The following GLIS1 variants were observed in gnomAD, a reference collection of about 807,000 sequenced individuals.
GLIS1 encodes GLIS family zinc finger 1, also known as zinc finger protein GLIS1.
Under a neutral mutation model 63.8 loss-of-function variants are expected in GLIS1, and 24 were observed. The ratio of observed to expected loss-of-function variants is 0.38; its 90% CI spans 0.27 to 0.53. GLIS1 has a LOEUF of 0.53. Ranked by LOEUF, GLIS1 falls within the 20% of genes least tolerant of loss-of-function variation. GLIS1 has a pLI of 0.85. For synonymous variants in GLIS1, 450 were observed against 482.5 expected, an observed-to-expected ratio of 0.93 and a Z score of 0.88; for missense variants, 1,036 against 1,074.1, an observed-to-expected ratio of 0.96 and a Z score of 0.50.
rs117685770 is a variant in GLIS1 at position 53,704,891 on chromosome 1, T to C, written c.259+32915A>G. On this transcript the variant is annotated intron_variant, in intron 2 of 10. Transcript: ENST00000628545. Reference sequence around the variant, plus strand: ...GTTAGCATCACTGAATTTACAGGGGTTGCAGCTTGCCAGCTGCTTTCACAG... The same window carrying C: ...GTTAGCATCACTGAATTTACAGGGGCTGCAGCTTGCCAGCTGCTTTCACAG... 8.2e-4 allele frequency among the ~76,000 whole-genome samples: 125 copies of C among 152,210 alleles called. 4 individuals carry two copies. The East Asian group carries it at 0.016, about 19-fold the overall frequency.
rs149932035 is a variant in GLIS1, at chr1:53,676,142, G to A, written c.259+61664C>T. Among the ~76,000 whole-genome samples the A allele has an allele frequency of 3.3e-5, 5 of 152,238 alleles. No homozygotes were observed. The East Asian group carries it at 9.7e-4, about 29-fold the overall frequency. ...CAGCAAATTAACACCGTTTGCTCTGGTTTGGGGTTTGAGGTTTTGGTCAAA... is the reference window on the plus strand; with the variant it reads ...CAGCAAATTAACACCGTTTGCTCTGATTTGGGGTTTGAGGTTTTGGTCAAA... On this transcript the variant is annotated intron_variant, in intron 2 of 10. Coordinates refer to ENST00000628545, the MANE Select transcript of GLIS1 (RefSeq NM_001367484.1).
In GLIS1 at chr1:53,732,577, A is replaced by G. The variant is rs527376515; in HGVS notation, c.259+5229T>C. ...CATTAGCACAGTGAAGGCGAGCAGC[A>G]CAAATATTTCAGGAGTTTGGTCTTT... On this transcript the variant is annotated intron_variant, in intron 2 of 10. Coordinates refer to ENST00000628545, the MANE Select transcript of GLIS1 (RefSeq NM_001367484.1). Among the ~76,000 whole-genome samples the G allele has an allele frequency of 3.0e-4, 46 of 152,236 alleles. No homozygotes were observed. The South Asian group carries it at 8.5e-3, about 28-fold the overall frequency.
chr1:53,683,553 G>A (rs984677370), intron 2 of GLIS1, among the ~76,000 whole-genome samples: 3 of 152,116 alleles, frequency 2.0e-5, no homozygotes, highest in Non-Finnish European at 2.9e-5. Context: ...TGGATCACAC[G>A]AGATCATCCA....
intron 2 of GLIS1, among the ~76,000 whole-genome samples, chr1:53,709,498 G>C (rs2100519000): frequency 6.6e-6 from 1 of 151,068 alleles, no homozygotes; most frequent in Non-Finnish European, 1.5e-5. Flanking sequence ...ATTCCTGGCA[G>C]TTAAATGGCT....
chr1:53,613,945 C>G (rs920775170), intron 2 of GLIS1, among the ~76,000 whole-genome samples: 1 of 152,208 alleles, frequency 6.6e-6, no homozygotes, highest in Non-Finnish European at 1.5e-5. Flanking sequence ...TAGATTTACT[C>G]AAGTTTTCAG....
At chr1:53,570,294 A>G (rs1644972405) in intron 4 of GLIS1, among the ~76,000 whole-genome samples, 1 of 151,984 alleles carries the variant, frequency 6.6e-6, no homozygotes, top group Admixed American at 6.6e-5. Flanking sequence ...AAAAAAAAAA[A>G]AAATTGTTTA....
intron 2 of GLIS1, among the ~76,000 whole-genome samples, chr1:53,685,684 C>T (rs745672012): frequency 9.9e-5 from 15 of 152,212 alleles, no homozygotes; most frequent in Non-Finnish European, 1.9e-4. Flanking sequence ...GTCTCCCTCA[C>T]CCTCAGCTTT....
intron 4 of GLIS1, among the ~76,000 whole-genome samples, chr1:53,570,401 T>C (rs1406310471): frequency 6.6e-6 from 1 of 151,896 alleles, no homozygotes; most frequent in African/African-American, 2.4e-5. Flanking sequence ...GTATTACGAG[T>C]GTAAGCCACT....
At chr1:53,709,244 G>A (rs143217644) in intron 2 of GLIS1, among the ~76,000 whole-genome samples, 34 of 151,492 alleles carry the variant, frequency 2.2e-4, no homozygotes, top group East Asian at 1.9e-3. Context: ...ATAGTGCCTC[G>A]CACATATTGG....
At chr1:53,692,474 C>A (rs1180986604) in intron 2 of GLIS1, among the ~76,000 whole-genome samples, 1 of 152,252 alleles carries the variant, frequency 6.6e-6, no homozygotes, top group Non-Finnish European at 1.5e-5. Context: ...TTACTGTGTG[C>A]TTTACACACA....
intron 8 of GLIS1, among the ~76,000 whole-genome samples, chr1:53,513,279 G>A (rs1021665822): frequency 2.6e-5 from 4 of 152,054 alleles, no homozygotes; most frequent in African/African-American, 9.7e-5. Context: ...GATGCTGTCT[G>A]TCCAGCGCCC....
intron 2 of GLIS1, among the ~76,000 whole-genome samples, chr1:53,623,307 T>G (rs1000687423): frequency 6.6e-6 from 1 of 152,152 alleles, no homozygotes; most frequent in African/African-American, 2.4e-5. Context: ...AGAAGAGCCA[T>G]ATGATCAGCT....
At chr1:53,669,094 G>A (rs1326816227) in intron 2 of GLIS1, among the ~76,000 whole-genome samples, 1 of 152,190 alleles carries the variant, frequency 6.6e-6, no homozygotes, top group African/African-American at 2.4e-5. Context: ...CAATCTTCAG[G>A]TAAGCTGGGC....
chr1:53,632,978 G>A (rs1645679398), intron 2 of GLIS1, among the ~76,000 whole-genome samples: 1 of 147,874 alleles, frequency 6.8e-6, no homozygotes, highest in South Asian at 2.2e-4. Context: ...GTGTGACCGA[G>A]GGGTGTGTGA....
chr1:53,684,631 A>ACTTTCAGTGG (rs55712802), intron 2 of GLIS1, among the ~76,000 whole-genome samples: 49,015 of 151,806 alleles, frequency 0.32, 8,944 homozygotes, highest in African/African-American at 0.51. Flanking sequence ...CAAATCAAGA[A>ACTTTCAGTGG]CTCACTAGTG....
intron 2 of GLIS1, chr1:53,733,930 C>T (rs887744799): frequency 2.0e-6 from 2 of 985,398 alleles, no homozygotes; most frequent in African/African-American, 3.5e-5. Context: ...CGCTAGCCTT[C>T]CAAGGCCTCC....
At chr1:53,612,564 C>T (rs1377911662) in intron 2 of GLIS1, among the ~76,000 whole-genome samples, 1 of 152,064 alleles carries the variant, frequency 6.6e-6, no homozygotes, top group Non-Finnish European at 1.5e-5. Context: ...TTTGGCACTT[C>T]CCCATCTCCC....
chr1:53,566,181 C>A (rs1644935458), intron 4 of GLIS1, among the ~76,000 whole-genome samples: 1 of 152,108 alleles, frequency 6.6e-6, no homozygotes, highest in African/African-American at 2.4e-5. Flanking sequence ...ATGTCTTGAA[C>A]AAGGCAAGAT....
intron 7 of GLIS1, among the ~76,000 whole-genome samples, chr1:53,520,419 G>A (rs1012485442): frequency 6.6e-6 from 1 of 152,262 alleles, no homozygotes. Flanking sequence ...ACAGAATAAT[G>A]TGAAGGAAAC....
Sources: allele counts gnomAD v4.1 joint callset (sites outside exome capture counted in the v4.1 genomes callset), GRCh38; gene constraint gnomAD v4.1.1; transcripts MANE v1.5; gene names NCBI Gene and HGNC (gene_info 2026-07-23, HGNC 2026-07-21).